The following DGKI variants were observed in gnomAD, a reference collection of about 807,000 sequenced individuals.
The protein encoded by DGKI is diacylglycerol kinase iota.
A neutral mutation model predicts 147.5 loss-of-function variants in DGKI; 55 were observed. That is an observed-to-expected ratio of 0.37 (90% CI 0.30 to 0.47). The LOEUF (loss-of-function observed/expected upper bound fraction) is 0.47, where lower values mean the gene tolerates loss of function less well. Ranked by LOEUF, DGKI falls within the 20% of genes least tolerant of loss-of-function variation. The pLI is 1.00. For missense variants in DGKI, 1,007 were observed against 1,323.8 expected (o/e 0.76, Z 3.71); for synonymous variants, 469 against 477.1 (o/e 0.98, Z 0.22).
In DGKI at chr7:137,618,146, TATA is replaced by T. The variant is rs529979629; in HGVS notation, c.993+1675_993+1677del. 1.9e-3 allele frequency among the ~76,000 whole-genome samples: 35 copies of T among 18,242 alleles called. 3 individuals carry two copies. The highest frequency in any genetic ancestry group is 0.013 in the South Asian group (5 of 396). 12.0% of individuals were successfully genotyped at this position (18,242 alleles called of 152,430 possible). On this transcript the variant is annotated intron_variant, in intron 8 of 32. Coordinates refer to ENST00000614521, the MANE Select transcript of DGKI (RefSeq NM_001321708.2). ...AAAATACTATATATATATATATATATATATATTTTTTTTTTTTTACTCTATCAT... is the reference window on the plus strand; with the variant it reads ...AAAATACTATATATATATATATATATTATTTTTTTTTTTTTACTCTATCAT...
chr7:137,786,750 C>T (rs187174230), intron 1 of DGKI, among the ~76,000 whole-genome samples: 1 of 151,206 alleles, frequency 6.6e-6, no homozygotes, highest in Non-Finnish European at 1.5e-5. Flanking sequence ...GTTAGGAAAA[C>T]AGCGTGGTAC....
intron 19 of DGKI, among the ~76,000 whole-genome samples, chr7:137,559,318 G>A (rs555630206): frequency 4.0e-5 from 6 of 150,406 alleles, no homozygotes; most frequent in African/African-American, 4.9e-5. Flanking sequence ...TGATCTGCCC[G>A]CCTCGGCCTC....
chr7:137,638,604 A>ATATGTATATG (rs1331385591), intron 6 of DGKI, among the ~76,000 whole-genome samples: 384 of 5,678 alleles, frequency 0.068, 90 homozygotes, highest in African/African-American at 0.18. Context: ...ACATATATGT[A>ATATGTATATG]TATATATACA....
At chr7:137,453,378 C>G (rs915831370) in intron 27 of DGKI, among the ~76,000 whole-genome samples, 7 of 152,272 alleles carry the variant, frequency 4.6e-5, no homozygotes, top group African/African-American at 1.7e-4. Flanking sequence ...CATTATCACT[C>G]TAGCCCCAAA....
At chr7:137,428,354 C>T (rs1330943582) in intron 28 of DGKI, among the ~76,000 whole-genome samples, 1 of 152,182 alleles carries the variant, frequency 6.6e-6, no homozygotes, top group Non-Finnish European at 1.5e-5. Flanking sequence ...TTCAACAACG[C>T]TTCATGCTAA....
At chr7:137,472,349 T>TATATGTATATATA (rs1814986949) in intron 23 of DGKI, among the ~76,000 whole-genome samples, 1 of 113,854 alleles carries the variant, frequency 8.8e-6, no homozygotes, top group East Asian at 2.4e-4. Flanking sequence ...ATATAATTAT[T>TATATGTATATATA]ATATGTATAT....
intron 28 of DGKI, among the ~76,000 whole-genome samples, chr7:137,439,459 G>GAGCTTGTGCA (rs1174607437): frequency 6.6e-6 from 1 of 152,214 alleles, no homozygotes; most frequent in Non-Finnish European, 1.5e-5. Context: ...AGGCAAGAGA[G>GAGCTTGTGCA]AGCTTGTGCA....
At chr7:137,685,366 G>C (rs2116430327) in intron 2 of DGKI, among the ~76,000 whole-genome samples, 1 of 152,320 alleles carries the variant, frequency 6.6e-6, no homozygotes, top group African/African-American at 2.4e-5. Flanking sequence ...GTTTTAGGCA[G>C]TGTAATGGGC....
chr7:137,820,565 A>T (rs1173055392), intron 1 of DGKI, among the ~76,000 whole-genome samples: 1 of 152,126 alleles, frequency 6.6e-6, no homozygotes, highest in Non-Finnish European at 1.5e-5. Context: ...GGGGAGATGG[A>T]TGGGCTCTCT....
chr7:137,642,489 TCTC>T (rs1462982807), intron 6 of DGKI, among the ~76,000 whole-genome samples: 2 of 152,174 alleles, frequency 1.3e-5, no homozygotes, highest in Non-Finnish European at 2.9e-5. Context: ...TTTTAAATAT[TCTC>T]CTCATTAAAC....
chr7:137,690,970 G>C (rs1322660467), intron 1 of DGKI, among the ~76,000 whole-genome samples: 1 of 152,148 alleles, frequency 6.6e-6, no homozygotes, highest in Non-Finnish European at 1.5e-5. Flanking sequence ...GCTTAAACAT[G>C]AGCGCTGATT....
chr7:137,521,599 T>C (rs1005187448), intron 21 of DGKI, among the ~76,000 whole-genome samples: 4 of 152,082 alleles, frequency 2.6e-5, no homozygotes, highest in Non-Finnish European at 5.9e-5. Context: ...TTTAGGCAAA[T>C]CTGAGACTAA....
chr7:137,602,162 C>A (rs1384137355), intron 10 of DGKI, among the ~76,000 whole-genome samples: 1 of 152,114 alleles, frequency 6.6e-6, no homozygotes, highest in Admixed American at 6.5e-5. Context: ...CTAGAAAGTT[C>A]TTTGTTCAGT....
intron 21 of DGKI, among the ~76,000 whole-genome samples, chr7:137,512,601 T>A (rs899899545): frequency 6.6e-6 from 1 of 152,070 alleles, no homozygotes; most frequent in African/African-American, 2.4e-5. Context: ...AATAAACCAA[T>A]GAAAAGAGAA....
intron 1 of DGKI, among the ~76,000 whole-genome samples, chr7:137,741,449 A>G (rs1025530928): frequency 3.9e-5 from 6 of 152,216 alleles, no homozygotes; most frequent in African/African-American, 1.4e-4. Flanking sequence ...TAATCCCACA[A>G]GGTTCCTTCT....
At chr7:137,427,675 G>C (rs1386916519) in intron 28 of DGKI, among the ~76,000 whole-genome samples, 1 of 151,592 alleles carries the variant, frequency 6.6e-6, no homozygotes, top group African/African-American at 2.4e-5. Context: ...AAGAAAAAAA[G>C]AGAGAAGAAT....
intron 21 of DGKI, among the ~76,000 whole-genome samples, chr7:137,502,270 T>C (rs115062477): frequency 1.3e-5 from 2 of 152,284 alleles, no homozygotes; most frequent in African/African-American, 4.8e-5. Flanking sequence ...GAGTGAATCA[T>C]ACTCCACACT....
intron 6 of DGKI, among the ~76,000 whole-genome samples, chr7:137,638,472 ATGTGTG>A (rs1212840862): frequency 2.5e-5 from 3 of 119,290 alleles, no homozygotes; most frequent in African/African-American, 7.6e-5. Flanking sequence ...GTGTGTATAT[ATGTGTG>A]TATATATATA....
At chr7:137,618,774 T>A (rs1820639050) in intron 8 of DGKI, among the ~76,000 whole-genome samples, 1 of 152,230 alleles carries the variant, frequency 6.6e-6, no homozygotes, top group Admixed American at 6.5e-5. Context: ...GGCATTTGGT[T>A]CTAAAATATA....
Sources: allele counts gnomAD v4.1 joint callset (sites outside exome capture counted in the v4.1 genomes callset), GRCh38; gene constraint gnomAD v4.1.1; transcripts MANE v1.5; gene names NCBI Gene and HGNC (gene_info 2026-07-23, HGNC 2026-07-21).